Variants in KASH5 observed in about 807,000 individuals in gnomAD.
KASH5 encodes the protein protein KASH5.
In KASH5, 72 loss-of-function variants were observed where a neutral mutation model predicts 84.2. That is an observed-to-expected ratio of 0.85 (90% CI 0.71 to 1.04). The LOEUF is 1.04. Ranked by LOEUF, KASH5 falls within the 50% of genes least tolerant of loss-of-function variation. The probability of loss-of-function intolerance (pLI) is 0.00; values close to 1 mark genes in which losing one functional copy is unlikely to be tolerated. For missense variants in KASH5, 650 were observed against 701.0 expected (o/e 0.93, Z 0.82); for synonymous variants, 260 against 279.1 (o/e 0.93, Z 0.68).
chr19:49,411,242 C>G (rs1490970694), intron 15 of KASH5, among the ~76,000 whole-genome samples: 1 of 151,344 alleles, frequency 6.6e-6, no homozygotes, highest in African/African-American at 2.4e-5. Flanking sequence ...TGGGCTCTCT[C>G]TCTATTTTTT....
intron 2 of KASH5, among the ~76,000 whole-genome samples, chr19:49,392,374 G>A (rs1468422009): frequency 1.3e-5 from 2 of 152,070 alleles, no homozygotes; most frequent in Admixed American, 6.6e-5. Flanking sequence ...GAAATGTAAC[G>A]AAGAGGCAAG....
intron 6 of KASH5, 87 bp from the exon 7 acceptor site, chr19:49,397,895 C>A: frequency 6.6e-7 from 1 of 1,507,774 alleles, no homozygotes. Context: ...AAAAGAGCCA[C>A]ATCTCCCCAC....
intron 9 of KASH5, among the ~76,000 whole-genome samples, chr19:49,406,158 A>G (rs73053918): frequency 0.19 from 28,861 of 151,366 alleles, 3,153 homozygotes; most frequent in Non-Finnish European, 0.24. Flanking sequence ...CTGGAGGAGA[A>G]ACATCTCAGT....
At chr19:49,400,353 C>CTTT (rs36066335) in intron 9 of KASH5, among the ~76,000 whole-genome samples, 7 of 124,210 alleles carry the variant, frequency 5.6e-5, no homozygotes, top group East Asian at 2.3e-4. Context: ...CTTTTAGTTT[C>CTTT]TTTTTTTTTT....
In KASH5 at chr19:49,413,011, A is replaced by G. The variant is rs200163970; in HGVS notation, c.1313A>G (p.Lys438Arg). The G allele has an allele frequency of 6.2e-6, 10 of 1,613,130 alleles. No individual in the cohort carries two copies. In the African/African-American group the frequency reaches 1.3e-4, roughly 21 times the overall value. Residue 438 changes from lysine (K) to arginine (R), a missense_variant, in exon 16 of 20, where the codon AAG (lysine) becomes AGG (arginine). Coordinates refer to ENST00000447857, the MANE Select transcript of KASH5 (RefSeq NM_144688.5). ...GEPAHPEEGR[K>R]EPSMWLTRRE... is the part of the protein sequence containing the mutation. The stretch of plus-strand genomic sequence containing the variant: ...CCAGCGCACCCTGAAGAAGGAAGGA[A>G]GGAGCCATCCATGTGGTAAGGAGCT...
chr19:49,412,849 A>G lies in KASH5; in HGVS notation c.1270-119A>G, dbSNP rs958130514. 1.8e-5 allele frequency: 16 copies of G among 900,970 alleles called. No individual in the cohort carries two copies. The highest frequency in any genetic ancestry group is 2.8e-5 in the Non-Finnish European group (16 of 571,982). 55.8% of individuals were successfully genotyped at this position (900,970 alleles called of 1,614,324 possible). A position where few individuals can be genotyped will look rare whatever the true frequency, so the allele number is the denominator to read the frequency against. ...GGTGGTGAATTCATGTGTAGGTTGC[A>G]GCCTGGAAGACCTTTTGTATATGGG... On this transcript the variant is annotated intron_variant, in intron 15 of 19. Coordinates refer to ENST00000447857, the MANE Select transcript of KASH5 (RefSeq NM_144688.5). The surrounding 1 kb of genome is among the most constrained non-coding windows in gnomAD (Gnocchi z 4.6).
Position 49,397,249 on chromosome 19 carries a change from C to T in KASH5, c.401-402C>T, listed in dbSNP as rs528221795. Among the ~76,000 whole-genome samples, 27 of 151,682 alleles carry T rather than the reference C, an allele frequency of 1.8e-4. No individual in the cohort carries two copies. In the South Asian group the frequency reaches 5.4e-3, roughly 31 times the overall value. On this transcript the variant is annotated intron_variant, in intron 5 of 19. Transcript: ENST00000447857. ...GGATCCAAGAGGAGAAAGCAAGGGC[C>T]GGGGCATGGAGACAGAGAGGAGGGG... is the stretch of plus-strand genomic sequence containing the variant.
At chr19:49,413,054 C>T (rs1974773991) in intron 16 of KASH5, 28 bp downstream of exon 16, 1 of 1,606,152 alleles carries the variant, frequency 6.2e-7, no homozygotes, top group East Asian at 2.2e-5. Context: ...CCGTCTGCCT[C>T]AGGGTGACAC....
intron 12 of KASH5, among the ~76,000 whole-genome samples, chr19:49,408,508 GTGCAATCTCGGCTCAC>G (rs1974604921): frequency 6.6e-6 from 1 of 151,632 alleles, no homozygotes; most frequent in African/African-American, 2.4e-5. Context: ...GAGTGCAGTG[GTGCAATCTCGGCTCAC>G]TGCAACCTCC....
At chr19:49,394,905 T>TG (rs1034712929) in intron 3 of KASH5, 2 of 590,568 alleles carry the variant, frequency 3.4e-6, no homozygotes, top group Non-Finnish European at 6.0e-6. Context: ...TACCCTGTGA[T>TG]GGGGGGATGA....
At position 49,395,049 on chromosome 19, in the gene KASH5, TC is replaced by T; in HGVS notation, c.149-55del. 1 of 1,400,110 alleles carries T rather than the reference TC, an allele frequency of 7.1e-7. No individual in the cohort carries two copies. The highest frequency in any genetic ancestry group is 9.6e-7 in the Non-Finnish European group (1 of 1,037,438). 86.7% of individuals were successfully genotyped at this position (1,400,110 alleles called of 1,614,324 possible). On this transcript the variant is annotated intron_variant, in intron 3 of 19. Coordinates refer to ENST00000447857, the MANE Select transcript of KASH5 (RefSeq NM_144688.5). This position sits in a 1 kb window ranked among gnomAD's most constrained non-coding sequence, Gnocchi z 4.4. Reference sequence around the variant, plus strand: ...CATCCTGGTCCCAAGCTGCTGCCAGTCCATACCCATCACTCCCCACCTGCCC... The same window carrying T: ...CATCCTGGTCCCAAGCTGCTGCCAGTCATACCCATCACTCCCCACCTGCCC...
At chr19:49,409,505 C>T (rs1385286094) in intron 14 of KASH5, among the ~76,000 whole-genome samples, 1 of 152,160 alleles carries the variant, frequency 6.6e-6, no homozygotes, top group Non-Finnish European at 1.5e-5. Context: ...CCAGCTTTGA[C>T]TCACCCCTAT....
chr19:49,404,162 A>T (rs73578530), intron 9 of KASH5, among the ~76,000 whole-genome samples: 2,512 of 152,176 alleles, frequency 0.017, 65 homozygotes, highest in African/African-American at 0.057. Context: ...GCCCACTGAG[A>T]CAGAGGGAGA....
At chr19:49,402,836 C>T (rs1348002214) in intron 9 of KASH5, among the ~76,000 whole-genome samples, 3 of 152,138 alleles carry the variant, frequency 2.0e-5, no homozygotes, top group Non-Finnish European at 4.4e-5. Context: ...GGGTCCAGAA[C>T]GCTCCAGGGA....
chr19:49,405,598 G>C (rs183325518), intron 9 of KASH5, among the ~76,000 whole-genome samples: 1 of 152,092 alleles, frequency 6.6e-6, no homozygotes. Context: ...GGAGATAAAT[G>C]CTGGAGTAAC....
Position 49,395,688 on chromosome 19 carries a change from AC to A in KASH5, c.336-79del. 9 of 1,424,608 alleles carry A rather than the reference AC, an allele frequency of 6.3e-6. No homozygotes were observed. The highest frequency in any genetic ancestry group is 8.7e-6 in the Non-Finnish European group (9 of 1,035,974). 88.2% of individuals were successfully genotyped at this position (1,424,608 alleles called of 1,614,324 possible). A position where few individuals can be genotyped will look rare whatever the true frequency, so the allele number is the denominator to read the frequency against. ...TCACCTGACCCGGTCCCCTCCTCCCACCTGCAATCCCCCTGCCTGTGGCTGG... is the reference window on the plus strand; with the variant it reads ...TCACCTGACCCGGTCCCCTCCTCCCACTGCAATCCCCCTGCCTGTGGCTGG... On this transcript the variant is annotated intron_variant, in intron 4 of 19. Transcript: ENST00000447857. This position sits in a 1 kb window ranked among gnomAD's most constrained non-coding sequence, Gnocchi z 4.4.
At chr19:49,398,403 C>CT (rs1432212630) in intron 7 of KASH5, among the ~76,000 whole-genome samples, 2 of 149,242 alleles carry the variant, frequency 1.3e-5, no homozygotes, top group Non-Finnish European at 1.5e-5. Flanking sequence ...GGTTCTCACT[C>CT]TGTCACCCAG....
At position 49,416,895 on chromosome 19, in the gene KASH5, C is replaced by T; in HGVS notation, c.1375-120C>T. The T allele has an allele frequency of 1.0e-6, 1 of 974,438 alleles. No homozygotes were observed. The highest frequency in any genetic ancestry group is 1.6e-6 in the Non-Finnish European group (1 of 633,746). The allele number at this position is 974,438 out of a possible 1,614,324, so 60.4% of individuals were successfully genotyped here. On this transcript the variant is annotated intron_variant, in intron 17 of 19. Transcript: ENST00000447857. The surrounding 1 kb of genome is among the most constrained non-coding windows in gnomAD (Gnocchi z 5.4). ...GGAACCCGACCTGGCAGCAGAAGTG[C>T]ACTCACTTATCTCCTGAGCTCCACC... is the stretch of plus-strand genomic sequence containing the variant.
At chr19:49,394,778 T>C in intron 3 of KASH5, 198 bp downstream of exon 3, 1 of 589,122 alleles carries the variant, frequency 1.7e-6, no homozygotes, top group South Asian at 2.1e-5. Flanking sequence ...GAGGAAAACT[T>C]GGGGGACGTT....
Sources: gnomAD v4.1 joint callset for allele counts (sites outside exome capture counted in the v4.1 genomes callset) on GRCh38, gnomAD v4.1.1 for gene constraint, Gnocchi (gnomAD v3.1) non-coding constraint, MANE v1.5 for transcripts, NCBI Gene and HGNC (gene_info 2026-07-23, HGNC 2026-07-21) for gene names.